Variants in NEBL observed in about 807,000 individuals in gnomAD.
NEBL encodes the protein nebulette, also known as LIM and SH3 protein 2.
NEBL carries 122 observed loss-of-function variants against 140.2 expected under a neutral mutation model. The ratio of observed to expected loss-of-function variants is 0.87; its 90% CI spans 0.75 to 1.01. NEBL has a LOEUF of 1.01. Among genes scored for constraint, NEBL ranks in the 50% least tolerant of loss-of-function variants. NEBL has a pLI of 0.00. For synonymous variants in NEBL, 436 were observed against 398.9 expected (o/e 1.09, Z -1.11); for missense variants, 1,365 against 1,231.3 (o/e 1.11, Z -1.62).
intron 3 of NEBL, among the ~76,000 whole-genome samples, chr10:21,244,271 T>G (rs553825715): frequency 6.6e-6 from 1 of 151,926 alleles, no homozygotes; most frequent in East Asian, 2.0e-4. Context: ...GTTCAAGTGA[T>G]TCTCCTGCCT....
At position 20,831,303 on chromosome 10, in the gene NEBL, G is replaced by A; in HGVS notation, c.1564C>T (p.Gln522Ter). The change falls in exon 16 of 28, where the codon CAA becomes TAA. Residue 522 changes from glutamine (Q) to a stop codon, truncating the protein, a stop_gained. Coordinates refer to ENST00000377122, the MANE Select transcript of NEBL (RefSeq NM_006393.3). LOFTEE classifies it high-confidence loss of function. ...TCATTTTCTAAGTCCTTCTTGTATTGTTTCTAAAAGAACAGAAAATAATCT... is the reference window on the plus strand; with the variant it reads ...TCATTTTCTAAGTCCTTCTTGTATTATTTCTAAAAGAACAGAAAATAATCT... ...KKASEMASQK[Q>*]YKKDLENEIK... The A allele has an allele frequency of 6.3e-7, 1 of 1,598,922 alleles. No homozygotes were observed. Among genetic ancestry groups the A allele is most frequent in the East Asian group, 2.2e-5 (1 of 44,760 alleles).
intron 1 of NEBL, among the ~76,000 whole-genome samples, chr10:21,277,208 CTTTT>C (rs1260862410): frequency 2.2e-5 from 3 of 133,536 alleles, no homozygotes; most frequent in African/African-American, 2.9e-5. Context: ...ATATTTCTTT[CTTTT>C]TTTTTTTTTT....
chr10:20,825,747 TCAAA>T (rs1361809883), intron 18 of NEBL, among the ~76,000 whole-genome samples: 2 of 152,004 alleles, frequency 1.3e-5, no homozygotes, highest in African/African-American at 4.8e-5. Context: ...ACAGCAAATG[TCAAA>T]CACTCAATGG....
intron 1 of NEBL, among the ~76,000 whole-genome samples, chr10:21,265,577 T>C (rs1367580914): frequency 6.6e-6 from 1 of 152,196 alleles, no homozygotes; most frequent in Non-Finnish European, 1.5e-5. Flanking sequence ...ACATAGTTTA[T>C]AATAGAAGAG....
chr10:21,160,443 T>C (rs1249443108), intron 2 of NEBL, among the ~76,000 whole-genome samples: 1 of 152,226 alleles, frequency 6.6e-6, no homozygotes, highest in Non-Finnish European at 1.5e-5. Flanking sequence ...GAATTTTCTT[T>C]CTTTAGTAGC....
At chr10:20,886,506 G>C (rs1161658916) in intron 4 of NEBL, among the ~76,000 whole-genome samples, 3 of 152,142 alleles carry the variant, frequency 2.0e-5, no homozygotes, top group African/African-American at 7.2e-5. Flanking sequence ...TCCAGCCTGG[G>C]TGACCAAGCA....
At chr10:20,815,006 A>G (rs1838579455) in intron 22 of NEBL, among the ~76,000 whole-genome samples, 1 of 152,130 alleles carries the variant, frequency 6.6e-6, no homozygotes, top group African/African-American at 2.4e-5. Flanking sequence ...CCATCAGAAC[A>G]CCGCCATTTA....
At chr10:21,049,946 G>A (rs1834697813) in intron 2 of NEBL, among the ~76,000 whole-genome samples, 1 of 152,172 alleles carries the variant, frequency 6.6e-6, no homozygotes, top group African/African-American at 2.4e-5. Context: ...TCATTGATGA[G>A]GAGTAAGAGC....
At chr10:21,031,399 C>T (rs1420079146) in intron 2 of NEBL, among the ~76,000 whole-genome samples, 1 of 152,092 alleles carries the variant, frequency 6.6e-6, no homozygotes, top group Non-Finnish European at 1.5e-5. Flanking sequence ...GCCAGAGGAC[C>T]GCAGGACAAA....
chr10:21,152,436 T>C (rs1050752028), intron 2 of NEBL, among the ~76,000 whole-genome samples: 2 of 152,046 alleles, frequency 1.3e-5, no homozygotes, highest in Non-Finnish European at 2.9e-5. Context: ...GACAATAGTA[T>C]CCAACATTGA....
intron 3 of NEBL, among the ~76,000 whole-genome samples, chr10:21,242,561 C>A (rs779023077): frequency 1.4e-4 from 21 of 152,070 alleles, no homozygotes; most frequent in Non-Finnish European, 2.6e-4. Flanking sequence ...CCATGACACA[C>A]AATTACCTGT....
intron 2 of NEBL, among the ~76,000 whole-genome samples, chr10:21,034,503 G>A (rs886179733): frequency 6.6e-6 from 1 of 152,160 alleles, no homozygotes; most frequent in Non-Finnish European, 1.5e-5. Flanking sequence ...TAGAGCACAG[G>A]ATAAGCCTCC....
chr10:20,793,688 G>C (rs770893876), intron 26 of NEBL, among the ~76,000 whole-genome samples: 20 of 151,902 alleles, frequency 1.3e-4, no homozygotes, highest in Middle Eastern at 3.4e-3. Flanking sequence ...CAAGTAGCTG[G>C]GACTACAGGT....
intron 4 of NEBL, among the ~76,000 whole-genome samples, chr10:20,928,907 C>T (rs1834039053): frequency 1.3e-5 from 2 of 152,186 alleles, no homozygotes; most frequent in African/African-American, 4.8e-5. Context: ...TGCCATTTCT[C>T]TTTGCCCTTC....
At chr10:20,831,611 G>T in intron 14 of NEBL, 28 bp from the exon 15 acceptor site, 4 of 1,427,932 alleles carry the variant, frequency 2.8e-6, no homozygotes, top group South Asian at 2.3e-5. Flanking sequence ...TACAGTTAGT[G>T]CTCTCCAATC....
intron 2 of NEBL, among the ~76,000 whole-genome samples, chr10:21,058,885 T>G (rs897617887): frequency 1.3e-5 from 2 of 152,200 alleles, no homozygotes; most frequent in Non-Finnish European, 2.9e-5. Flanking sequence ...ATGTGCTGAG[T>G]ATTAGGTTTG....
chr10:21,177,680 C>A (rs1258409645), upstream of NEBL, among the ~76,000 whole-genome samples: 1 of 152,056 alleles, frequency 6.6e-6, no homozygotes, highest in East Asian at 1.9e-4. Context: ...CAGGTGCCCA[C>A]CACCACGCCC....
At position 20,969,531 on chromosome 10, in the gene NEBL, C is replaced by CT. The variant is rs1326354924; in HGVS notation, c.250-7753dup. On this transcript the variant is annotated intron_variant, in intron 3 of 6. Coordinates refer to the NEBL transcript ENST00000417816. ...AAAATGCTAAATACATTAAAAATGACTTTTTTTCTTTTCTTTTTTTTTTTT... is the reference window on the plus strand; with the variant it reads ...AAAATGCTAAATACATTAAAAATGACTTTTTTTTCTTTTCTTTTTTTTTTTT... 4.9e-5 allele frequency among the ~76,000 whole-genome samples: 7 copies of CT among 141,634 alleles called. No homozygotes were observed. In the East Asian group the frequency reaches 1.2e-3, roughly 25 times the overall value. 92.9% of individuals were successfully genotyped at this position (141,634 alleles called of 152,430 possible).
chr10:21,055,939 G>C (rs1393133036), intron 2 of NEBL, among the ~76,000 whole-genome samples: 2 of 152,176 alleles, frequency 1.3e-5, no homozygotes, highest in African/African-American at 4.8e-5. Context: ...CTGCCCTGAG[G>C]CTACACGGGC....
Sources: allele counts gnomAD v4.1 joint callset (sites outside exome capture counted in the v4.1 genomes callset), GRCh38; gene constraint gnomAD v4.1.1; transcripts MANE v1.5; gene names NCBI Gene and HGNC (gene_info 2026-07-23, HGNC 2026-07-21).